Variants in TNS2 observed in about 807,000 individuals in gnomAD.
TNS2 encodes the protein tensin-2.
Under a neutral mutation model 155.7 loss-of-function variants are expected in TNS2, and 77 were observed. The observed-to-expected ratio is 0.49, with a 90% CI of 0.41 to 0.60. The LOEUF is 0.60. TNS2 is among the 20% of genes least tolerant of loss of function. The pLI is 0.00. For synonymous variants in TNS2, 726 were observed against 763.9 expected, an observed-to-expected ratio of 0.95 and a Z score of 0.82; for missense variants, 1,703 against 1,868.8, an observed-to-expected ratio of 0.91 and a Z score of 1.64.
chr12:53,049,244 T>A, upstream of TNS2: 1 of 1,606,878 alleles, frequency 6.2e-7, no homozygotes. Context: ...AGGAGAGCCA[T>A]GAAGGTAGTA....
chr12:53,060,971 G>GC lies in TNS2; in HGVS notation c.3072dup (p.Asp1025ArgfsTer40), dbSNP rs764460526. 5.0e-6 allele frequency: 8 copies of GC among 1,608,262 alleles called. No individual in the cohort carries two copies. The highest frequency in any genetic ancestry group is 2.2e-5 in the East Asian group (1 of 44,580). ...CACGCCCCCTGGCAAGGCCCTCGAG[G>GC]CCCCCCCGACAGCCCAGATGGGTCT... is the stretch of plus-strand genomic sequence containing the variant. On this transcript the variant is annotated frameshift_variant, in exon 20 of 29. Coordinates refer to ENST00000314250, the MANE Select transcript of TNS2 (RefSeq NM_170754.4). LOFTEE classifies it high-confidence loss of function. This position sits in a 1 kb window ranked among gnomAD's most constrained non-coding sequence, Gnocchi z 6.1.
intron 22 of TNS2, 58 bp downstream of exon 22, chr12:53,061,998 C>T (rs1363217119): frequency 1.2e-6 from 2 of 1,609,242 alleles, no homozygotes; most frequent in Non-Finnish European, 1.7e-6. Context: ...GTGCCAGAGG[C>T]AAGGTAACAG....
rs2293062 is a variant in TNS2, at chr12:53,055,813, T to C, written c.729T>C (p.Ser243=). 15,549 of 1,614,076 alleles carry C rather than the reference T, an allele frequency of 9.6e-3. 559 individuals carry two copies. The East Asian group carries it at 0.14, about 15-fold the overall frequency. The change falls in exon 10 of 29, where the codon TCT becomes TCC. Residue 243 remains serine, a synonymous_variant. Coordinates refer to ENST00000314250, the MANE Select transcript of TNS2 (RefSeq NM_170754.4). ...GNKGKLGVIV[S]AYMHYSKISA... Reference sequence around the variant, plus strand: ...AGGGCAAGCTTGGGGTCATCGTTTCTGCCTACATGCACTACAGCAAGATCT... The same window carrying C: ...AGGGCAAGCTTGGGGTCATCGTTTCCGCCTACATGCACTACAGCAAGATCT...
chr12:53,058,102 G>A lies in TNS2; in HGVS notation c.1095G>A (p.Met365Ile). ...EPALLLKGDV[M>I]VTCYHKGGRG... ...CCCTCCTCCTCAAAGGCGATGTCAT[G>A]GTGAGGGGGGTCCTGTCAACAAGAA... The change falls in exon 14 of 29, where the codon ATG (methionine) becomes ATA (isoleucine). Residue 365 changes from methionine (M) to isoleucine (I), a missense_variant and splice_region_variant. Coordinates refer to ENST00000314250, the MANE Select transcript of TNS2 (RefSeq NM_170754.4). 6.2e-7 allele frequency: 1 copy of A among 1,614,164 alleles called. No individual in the cohort carries two copies. The highest frequency in any genetic ancestry group is 8.5e-7 in the Non-Finnish European group (1 of 1,180,030).
intron 5 of TNS2, 42 bp from the exon 6 acceptor site, chr12:53,053,923 G>A (rs769920704): frequency 6.8e-6 from 11 of 1,613,946 alleles, no homozygotes; most frequent in Middle Eastern, 3.3e-4. Context: ...TAGAGTAGGG[G>A]GTACCCAAAG....
Position 53,060,332 on chromosome 12 carries a change from C to T in TNS2, c.2618-73C>T. The T allele has an allele frequency of 2.5e-6, 4 of 1,569,854 alleles. No individual in the cohort carries two copies. Among genetic ancestry groups the T allele is most frequent in the Non-Finnish European group, 3.5e-6 (4 of 1,155,232 alleles). On this transcript the variant is annotated intron_variant, in intron 18 of 28. Coordinates refer to ENST00000314250, the MANE Select transcript of TNS2 (RefSeq NM_170754.4). This position sits in a 1 kb window ranked among gnomAD's most constrained non-coding sequence, Gnocchi z 6.1. ...AGATGGTGGGGAAGTCAAGGGGGAA[C>T]AGGGTGAGAAACAGCTAAGCCAGAC... is the stretch of plus-strand genomic sequence containing the variant.
In TNS2 at chr12:53,060,738, G is replaced by A; in HGVS notation, c.2832G>A (p.Glu944=). ...SAPTQRLSPG[E]ALPPVSQAGT... is the part of the protein sequence containing the mutation. ...CCACTCAGAGACTGAGTCCTGGCGA[G>A]GCCTTGCCCCCTGTTTCCCAGGCAG... Residue 944 remains glutamate, a synonymous_variant, in exon 20 of 29, where the codon GAG becomes GAA. Transcript: ENST00000314250. This position sits in a 1 kb window ranked among gnomAD's most constrained non-coding sequence, Gnocchi z 6.1. The A allele has an allele frequency of 6.2e-7, 1 of 1,609,386 alleles. No homozygotes were observed. Among genetic ancestry groups the A allele is most frequent in the Non-Finnish European group, 8.5e-7 (1 of 1,177,226 alleles).
upstream of TNS2, chr12:53,050,005 GC>G: frequency 7.1e-7 from 1 of 1,418,174 alleles, no homozygotes; most frequent in Non-Finnish European, 9.2e-7. This position sits in a 1 kb window ranked among gnomAD's most constrained non-coding sequence, Gnocchi z 4.7. Context: ...GCAGCGACCT[GC>G]CCCCTTCCCG....
upstream of TNS2, chr12:53,049,091 T>C: frequency 7.3e-7 from 1 of 1,372,300 alleles, no homozygotes; most frequent in Non-Finnish European, 1.0e-6. Context: ...CTCCCTCCCT[T>C]GACTCCCAGG....
intron 8 of TNS2, 21 bp from the exon 9 acceptor site, chr12:53,055,547 G>A: frequency 1.9e-6 from 3 of 1,583,576 alleles, no homozygotes; most frequent in Non-Finnish European, 2.6e-6. Flanking sequence ...GGCCCCAGTT[G>A]CACCCCTGCA....
rs752823501 is a variant in TNS2, at chr12:53,061,147, G to A, written c.3241G>A (p.Gly1081Arg). The change falls in exon 20 of 29, where the codon GGG (glycine) becomes AGG (arginine). Residue 1081 changes from glycine to arginine, a missense_variant. By Grantham distance (125) the Gly-to-Arg change is moderately radical. Transcript: ENST00000314250. ...ACTTCCTGAGAAACGCCACCTGCCCGGGCCGGGGCAACAGCCAGGACCCTG... is the reference window on the plus strand; with the variant it reads ...ACTTCCTGAGAAACGCCACCTGCCCAGGCCGGGGCAACAGCCAGGACCCTG... ...PPLPEKRHLP[G>R]PGQQPGPWGP... 2.0e-5 allele frequency: 32 copies of A among 1,608,854 alleles called. No homozygotes were observed. Among genetic ancestry groups the A allele is most frequent in the African/African-American group, 1.3e-4 (10 of 74,858 alleles).
chr12:53,059,914 C>G lies in TNS2; in HGVS notation c.2273C>G (p.Pro758Arg), dbSNP rs115080744. The G allele has an allele frequency of 4.2e-5, 68 of 1,611,648 alleles. No individual in the cohort carries two copies. The African/African-American group carries it at 8.0e-4, about 19-fold the overall frequency. The change falls in exon 18 of 29, where the codon CCC becomes CGC. Residue 758 changes from proline (P) to arginine (R), a missense_variant. Coordinates refer to ENST00000314250, the MANE Select transcript of TNS2 (RefSeq NM_170754.4). This position sits in a 1 kb window ranked among gnomAD's most constrained non-coding sequence, Gnocchi z 4.7. ...PMPDYSCLKP[P>R]KAGEEGHEGC... ...CCTGACTACAGCTGCCTGAAGCCAC[C>G]CAAGGCAGGCGAGGAAGGGCACGAG... is the stretch of plus-strand genomic sequence containing the variant.
chr12:53,058,265 G>A (rs1236624803), intron 14 of TNS2, 51 bp from the exon 15 acceptor site: 19 of 1,607,650 alleles, frequency 1.2e-5, no homozygotes, highest in Non-Finnish European at 1.6e-5. Flanking sequence ...CAGGGTGGAA[G>A]CGCAGAAGAG....
chr12:53,061,816 C>A lies in TNS2; in HGVS notation c.3450C>A (p.Ala1150=). ...TGCCCGCTACCCCTCACCCTGCAGC[C>A]ATTGCCCTGCTGAAGGACAAGGACC... ...WYKPHLSRDQ[A]IALLKDKDPG... Residue 1150 remains alanine (A), a splice_region_variant and synonymous_variant, in exon 22 of 29, where the codon GCC becomes GCA. Coordinates refer to ENST00000314250, the MANE Select transcript of TNS2 (RefSeq NM_170754.4). 6.2e-7 allele frequency: 1 copy of A among 1,612,186 alleles called. No individual in the cohort carries two copies. Among genetic ancestry groups the A allele is most frequent in the South Asian group, 1.1e-5 (1 of 90,892 alleles).
rs200018822 is a variant in TNS2, at chr12:53,063,096, C to A, written c.3831C>A (p.Ser1277Arg). The part of the protein sequence containing the change: ...ADLLRQGAAC[S>R]VLYLTSVETE... Reference sequence around the variant, plus strand: ...CACTCCCTGCCCCTGTAGCCTGCAGCGTGCTCTACTTGACCTCAGTGGAGA... The same window carrying A: ...CACTCCCTGCCCCTGTAGCCTGCAGAGTGCTCTACTTGACCTCAGTGGAGA... The change falls in exon 26 of 29, where the codon AGC becomes AGA. Residue 1277 changes from serine (S) to arginine (R), a missense_variant. Transcript: ENST00000314250. This position sits in a 1 kb window ranked among gnomAD's most constrained non-coding sequence, Gnocchi z 5.6. The A allele has an allele frequency of 1.2e-5, 18 of 1,544,638 alleles. No homozygotes were observed. Among genetic ancestry groups the A allele is most frequent in the Admixed American group, 2.0e-5 (1 of 50,116 alleles).
rs142497165 is a variant in TNS2 at position 53,060,761 on chromosome 12, C to T, written c.2855C>T (p.Ala952Val). ...GAGGCCTTGCCCCCTGTTTCCCAGG[C>T]AGGCACCGGAAAGGCCCCTGAGCTG... ...PGEALPPVSQ[A>V]GTGKAPELPS... Residue 952 changes from alanine (A) to valine (V), a missense_variant, in exon 20 of 29, where the codon GCA (alanine) becomes GTA (valine). By Grantham distance (64) the Ala-to-Val change is moderately conservative. Coordinates refer to ENST00000314250, the MANE Select transcript of TNS2 (RefSeq NM_170754.4). This position sits in a 1 kb window ranked among gnomAD's most constrained non-coding sequence, Gnocchi z 6.1. 41 of 1,611,890 alleles carry T rather than the reference C, an allele frequency of 2.5e-5. No homozygotes were observed. Among genetic ancestry groups the T allele is most frequent in the Non-Finnish European group, 3.3e-5 (39 of 1,178,882 alleles).
Position 53,064,046 on chromosome 12 carries a change from C to T in TNS2, c.*164C>T. On this transcript the variant is annotated 3_prime_UTR_variant, in exon 29 of 29. Coordinates refer to ENST00000314250, the MANE Select transcript of TNS2 (RefSeq NM_170754.4). ...GGGACACTGCTCTCCTTCCCCGCCC[C>T]CAGCCTGCTAAGTTAAGTGGACAGG... is the stretch of plus-strand genomic sequence containing the variant. 1 of 744,930 alleles carries T rather than the reference C, an allele frequency of 1.3e-6. No individual in the cohort carries two copies. Among genetic ancestry groups the T allele is most frequent in the East Asian group, 2.7e-5 (1 of 36,760 alleles). The allele number at this position is 744,930 out of a possible 1,614,324, so 46.1% of individuals were successfully genotyped here.
At chr12:53,055,509 T>C in intron 8 of TNS2, 59 bp from the exon 9 acceptor site, 1 of 1,546,816 alleles carries the variant, frequency 6.5e-7, no homozygotes. Flanking sequence ...CTTTCCACCC[T>C]GCCCATCTCT....
chr12:53,052,620 C>CCACCCAGG, intron 3 of TNS2, 128 bp downstream of exon 3: 7 of 1,320,712 alleles, frequency 5.3e-6, no homozygotes, highest in African/African-American at 1.4e-5. Flanking sequence ...GGAACCCCTC[C>CCACCCAGG]TGGGTGGGAG....
Sources: gnomAD v4.1 joint callset for allele counts on GRCh38, gnomAD v4.1.1 for gene constraint, Gnocchi (gnomAD v3.1) non-coding constraint, MANE v1.5 for transcripts, NCBI Gene and HGNC (gene_info 2026-07-23, HGNC 2026-07-21) for gene names.